The following PCARE variants were observed in gnomAD, a reference collection of about 807,000 sequenced individuals.
PCARE encodes the protein uncharacterized protein C2orf71.
Under a neutral mutation model 82.2 loss-of-function variants are expected in PCARE, and 72 were observed. The observed-to-expected ratio is 0.88, with a 90% CI of 0.72 to 1.07. The LOEUF (loss-of-function observed/expected upper bound fraction) is 1.07. Among genes scored for constraint, PCARE ranks in the 50% least tolerant of loss-of-function variants. The pLI is 0.00. For synonymous variants in PCARE, 705 were observed against 634.8 expected (o/e 1.11, Z -1.66); for missense variants, 1,768 against 1,592.4 (o/e 1.11, Z -1.88).
chr2:29,071,349 C>T lies in PCARE; in HGVS notation c.2913G>A (p.Arg971=), dbSNP rs1175797627. Residue 971 remains arginine (R), a synonymous_variant, in exon 1 of 2, where the codon AGG becomes AGA. Coordinates refer to ENST00000331664, the MANE Select transcript of PCARE (RefSeq NM_001029883.3). ...GTCTGGCCAGGCTGGACTCTGAGGTCCTGTTTTGTCCAGATGGAGGGCCGG... is the reference window on the plus strand; with the variant it reads ...GTCTGGCCAGGCTGGACTCTGAGGTTCTGTTTTGTCCAGATGGAGGGCCGG... ...HHSGPPSGQN[R]TSESSLARPR... 5.0e-6 allele frequency: 8 copies of T among 1,613,554 alleles called. No individual in the cohort carries two copies. The Admixed American group carries it at 1.3e-4, about 27-fold the overall frequency.
intron 1 of PCARE, among the ~76,000 whole-genome samples, chr2:29,068,663 T>C (rs1439154226): frequency 1.3e-5 from 2 of 152,216 alleles, no homozygotes; most frequent in African/African-American, 4.8e-5. Flanking sequence ...TCACGCCCCA[T>C]TGCGGCTGCA....
Position 29,073,745 on chromosome 2 carries a change from T to C in PCARE, c.517A>G (p.Lys173Glu), listed in dbSNP as rs1192401276. 1 of 1,614,226 alleles carries C rather than the reference T, an allele frequency of 6.2e-7. No individual in the cohort carries two copies. The highest frequency in any genetic ancestry group is 2.2e-5 in the East Asian group (1 of 44,886). ...TIHPAHEPEG[K>E]VDFPEPLVKA... ...ACCAGAGGCTCCGGGAAGTCCACTTTGCCTTCAGGCTCATGAGCAGGGTGG... is the reference window on the plus strand; with the variant it reads ...ACCAGAGGCTCCGGGAAGTCCACTTCGCCTTCAGGCTCATGAGCAGGGTGG... The change falls in exon 1 of 2, where the codon AAA (lysine) becomes GAA (glutamate). Residue 173 changes from lysine (K) to glutamate (E), a missense_variant. Physicochemically the swap from Lys to Glu is moderately conservative, Grantham distance 56. Transcript: ENST00000331664.
chr2:29,065,240 G>A (rs371920250), intron 1 of PCARE, among the ~76,000 whole-genome samples, 173 bp from the exon 2 acceptor site: 7 of 152,268 alleles, frequency 4.6e-5, no homozygotes, highest in South Asian at 4.1e-4. Flanking sequence ...GGCTGGTGCC[G>A]CCATTGCCGT....
At position 29,072,131 on chromosome 2, in the gene PCARE, C is replaced by T. The variant is rs1427103305; in HGVS notation, c.2131G>A (p.Val711Ile). ...KLPNAIPSGE[V>I]SEAAKATDWN... is the part of the protein sequence containing the mutation. ...TCTGTGGCCTTGGCAGCCTCACTGA[C>T]CTCTCCTGATGGGATGGCATTTGGA... Residue 711 changes from valine (V) to isoleucine (I), a missense_variant, in exon 1 of 2, where the codon GTC becomes ATC. Val to Ile is a conservative substitution (Grantham distance 29). Transcript: ENST00000331664. 1.2e-6 allele frequency: 2 copies of T among 1,614,248 alleles called. No individual in the cohort carries two copies. The highest frequency in any genetic ancestry group is 1.7e-6 in the Non-Finnish European group (2 of 1,180,040).
Position 29,061,704 on chromosome 2 carries a change from T to C in PCARE, c.*3165A>G, listed in dbSNP as rs1280594352. ...ATGGGTCTTCAATGAGTTGGGTTCA[T>C]TGGCTTAATAATTTTTATTAAAACA... is the stretch of plus-strand genomic sequence containing the variant. On this transcript the variant is annotated 3_prime_UTR_variant, in exon 2 of 2. Coordinates refer to ENST00000331664, the MANE Select transcript of PCARE (RefSeq NM_001029883.3). 3 of 152,252 alleles carry C rather than the reference T, an allele frequency of 2.0e-5. No homozygotes were observed. The highest frequency in any genetic ancestry group is 4.4e-5 in the Non-Finnish European group (3 of 68,046). 9.4% of individuals were successfully genotyped at this position (152,252 alleles called of 1,614,324 possible).
chr2:29,071,132 T>C lies in PCARE; in HGVS notation c.3130A>G (p.Thr1044Ala). The change falls in exon 1 of 2, where the codon ACA (threonine) becomes GCA (alanine). Residue 1044 changes from threonine (T) to alanine (A), a missense_variant. Thr to Ala is a moderately conservative substitution (Grantham distance 58, BLOSUM62 0). Transcript: ENST00000331664. ...VSPRVLSPPTTKRRTSPPHQP... is the reference protein window; with the variant it reads ...VSPRVLSPPTAKRRTSPPHQP... ...TGCGGTGGGGAAGTTCGCCGCTTTG[T>C]GGTGGGTGGGCTTAGCACCCTGGGG... 1 of 1,576,042 alleles carries C rather than the reference T, an allele frequency of 6.3e-7. No individual in the cohort carries two copies. Among genetic ancestry groups the C allele is most frequent in the Non-Finnish European group, 8.6e-7 (1 of 1,162,034 alleles).
At chr2:29,068,649 T>C (rs562051385) in intron 1 of PCARE, among the ~76,000 whole-genome samples, 18 of 152,370 alleles carry the variant, frequency 1.2e-4, no homozygotes, top group African/African-American at 3.8e-4. Flanking sequence ...GGCTACACTT[T>C]GACTCACGCC....
chr2:29,073,515 C>T lies in PCARE; in HGVS notation c.747G>A (p.Glu249=), dbSNP rs116729795. 114 of 1,614,208 alleles carry T rather than the reference C, an allele frequency of 7.1e-5. No homozygotes were observed. The African/African-American group carries it at 1.4e-3, about 20-fold the overall frequency. Residue 249 remains glutamate (E), a synonymous_variant, in exon 1 of 2, where the codon GAG becomes GAA. Coordinates refer to ENST00000331664, the MANE Select transcript of PCARE (RefSeq NM_001029883.3). ...DGEVLLQEVR[E]DLAWPLKKRE... is the part of the protein sequence containing the mutation. ...TTTTCTTCAAAGGCCAAGCCAGATC[C>T]TCCCTGACTTCCTGCAGGAGCACTT... is the stretch of plus-strand genomic sequence containing the variant.
At position 29,073,264 on chromosome 2, in the gene PCARE, C is replaced by G. The variant is rs1302334612; in HGVS notation, c.998G>C (p.Ser333Thr). Residue 333 changes from serine (S) to threonine (T), a missense_variant, in exon 1 of 2, where the codon AGT (serine) becomes ACT (threonine). By Grantham distance (58) the Ser-to-Thr change is moderately conservative. Transcript: ENST00000331664. Reference protein sequence around the residue: ...RALRQLESLASGCGDPGVQGL... With the variant: ...RALRQLESLATGCGDPGVQGL... ...CTGCACCCCAGGGTCGCCACAGCCACTCGCCAGGCTCTCTAGCTGCCTCAG... is the reference window on the plus strand; with the variant it reads ...CTGCACCCCAGGGTCGCCACAGCCAGTCGCCAGGCTCTCTAGCTGCCTCAG... 1 of 1,614,112 alleles carries G rather than the reference C, an allele frequency of 6.2e-7. No individual in the cohort carries two copies. Among genetic ancestry groups the G allele is most frequent in the Non-Finnish European group, 8.5e-7 (1 of 1,179,970 alleles).
At chr2:29,069,468 A>AGTGGGAGCTAAATG (rs1667438579) in intron 1 of PCARE, among the ~76,000 whole-genome samples, 1 of 152,236 alleles carries the variant, frequency 6.6e-6, no homozygotes, top group Non-Finnish European at 1.5e-5. Context: ...CTTACTTATA[A>AGTGGGAGCTAAATG]GTGGGAGCTA....
Position 29,071,562 on chromosome 2 carries a change from C to T in PCARE, c.2700G>A (p.Leu900=), listed in dbSNP as rs1282130574. The T allele has an allele frequency of 1.9e-6, 3 of 1,610,428 alleles. No homozygotes were observed. In the Admixed American group the frequency reaches 5.0e-5, roughly 27 times the overall value. Residue 900 remains leucine, a synonymous_variant, in exon 1 of 2, where the codon CTG becomes CTA. Coordinates refer to ENST00000331664, the MANE Select transcript of PCARE (RefSeq NM_001029883.3). The part of the protein sequence containing the change: ...DLLPSKSTAS[L]TKPHSTGPGS... ...CTGGCCCTGTGCTGTGAGGCTTGGTCAGGCTGGCGGTGCTCTTGCTGGGCA... is the reference window on the plus strand; with the variant it reads ...CTGGCCCTGTGCTGTGAGGCTTGGTTAGGCTGGCGGTGCTCTTGCTGGGCA...
chr2:29,074,197 A>G lies in PCARE; in HGVS notation c.65T>C (p.Leu22Ser). Residue 22 changes from leucine (L) to serine (S), a missense_variant, in exon 1 of 2, where the codon TTG (leucine) becomes TCG (serine). Transcript: ENST00000331664. ...NSVAKSGIQF[L>S]KKPKAIRPGC... ...TGGCCGAATTGCTTTGGGCTTTTTC[A>G]AGAACTGAATGCCACTCTTTGCAAC... 8 of 1,602,780 alleles carry G rather than the reference A, an allele frequency of 5.0e-6. No individual in the cohort carries two copies. Among genetic ancestry groups the G allele is most frequent in the Non-Finnish European group, 6.0e-6 (7 of 1,173,616 alleles).
rs533307238 is a variant in PCARE at position 29,063,852 on chromosome 2, A to C, written c.*1017T>G. The C allele has an allele frequency of 3.9e-4, 60 of 152,506 alleles. No individual in the cohort carries two copies. Among genetic ancestry groups the C allele is most frequent in the African/African-American group, 1.4e-3 (59 of 41,562 alleles). 9.4% of individuals were successfully genotyped at this position (152,506 alleles called of 1,614,324 possible). ...CAGAAGTTCTGCAAGATGACCTGGG[A>C]ATAAAGTTGGCCAAGAAGCCTCCGA... On this transcript the variant is annotated 3_prime_UTR_variant, in exon 2 of 2. Coordinates refer to ENST00000331664, the MANE Select transcript of PCARE (RefSeq NM_001029883.3).
In PCARE at chr2:29,070,577, C is replaced by T. The variant is rs2148414669; in HGVS notation, c.3668+17G>A. ...GTCCAAGCCGCTGAAGGGCAGTGACCCCAGGACACTCCTTACCTGTTCTGG... is the reference window on the plus strand; with the variant it reads ...GTCCAAGCCGCTGAAGGGCAGTGACTCCAGGACACTCCTTACCTGTTCTGG... On this transcript the variant is annotated intron_variant, in intron 1 of 1. Coordinates refer to ENST00000331664, the MANE Select transcript of PCARE (RefSeq NM_001029883.3). 6.2e-7 allele frequency: 1 copy of T among 1,613,822 alleles called. No individual in the cohort carries two copies. The highest frequency in any genetic ancestry group is 8.5e-7 in the Non-Finnish European group (1 of 1,179,830).
chr2:29,068,656 C>T (rs1395675331), intron 1 of PCARE, among the ~76,000 whole-genome samples: 4 of 152,192 alleles, frequency 2.6e-5, no homozygotes, highest in South Asian at 2.1e-4. Context: ...CTTTGACTCA[C>T]GCCCCATTGC....
Position 29,072,157 on chromosome 2 carries a change from A to G in PCARE, c.2105T>C (p.Leu702Pro), listed in dbSNP as rs1667501893. 1.2e-6 allele frequency: 2 copies of G among 1,614,138 alleles called. No homozygotes were observed. Among genetic ancestry groups the G allele is most frequent in the Non-Finnish European group, 8.5e-7 (1 of 1,180,010 alleles). Reference sequence around the variant, plus strand: ...CTCTCCTGATGGGATGGCATTTGGAAGCTTCCCAGCTTTGCCTTGTTCGTC... The same window carrying G: ...CTCTCCTGATGGGATGGCATTTGGAGGCTTCCCAGCTTTGCCTTGTTCGTC... ...PEDEQGKAGK[L>P]PNAIPSGEVS... The change falls in exon 1 of 2, where the codon CTT (leucine) becomes CCT (proline). Residue 702 changes from leucine (L) to proline (P), a missense_variant. Coordinates refer to ENST00000331664, the MANE Select transcript of PCARE (RefSeq NM_001029883.3).
In PCARE at chr2:29,073,504, C is replaced by G; in HGVS notation, c.758G>C (p.Trp253Ser). ...CTGGGGCTCTCTTTTCTTCAAAGGC[C>G]AAGCCAGATCCTCCCTGACTTCCTG... ...LLQEVREDLA[W>S]PLKKREPQEQ... The change falls in exon 1 of 2, where the codon TGG becomes TCG. Residue 253 changes from tryptophan to serine, a missense_variant. By Grantham distance (177) the Trp-to-Ser change is radical. Transcript: ENST00000331664. 1 of 1,614,164 alleles carries G rather than the reference C, an allele frequency of 6.2e-7. No individual in the cohort carries two copies.
At position 29,063,268 on chromosome 2, in the gene PCARE, C is replaced by T. The variant is rs72861029; in HGVS notation, c.*1601G>A. ...AGTGGGTGTGGCTTGGCTCTAGAAT[C>T]GGCTGGCCTGGGCACTGCCTGAGCA... On this transcript the variant is annotated 3_prime_UTR_variant, in exon 2 of 2. Transcript: ENST00000331664. 0.019 allele frequency: 2,885 copies of T among 152,390 alleles called. 83 individuals are homozygous for T. Among genetic ancestry groups the T allele is most frequent in the African/African-American group, 0.058 (2,426 of 41,562 alleles). The allele number at this position is 152,390 out of a possible 1,614,324, so 9.4% of individuals were successfully genotyped here. A position where few individuals can be genotyped will look rare whatever the true frequency, so the allele number is the denominator to read the frequency against.
At position 29,071,758 on chromosome 2, in the gene PCARE, A is replaced by T; in HGVS notation, c.2504T>A (p.Met835Lys). The T allele has an allele frequency of 6.2e-7, 1 of 1,613,658 alleles. No individual in the cohort carries two copies. Residue 835 changes from methionine to lysine, a missense_variant, in exon 1 of 2, where the codon ATG becomes AAG. By Grantham distance (95) the Met-to-Lys change is moderately conservative (BLOSUM62 -1). Coordinates refer to ENST00000331664, the MANE Select transcript of PCARE (RefSeq NM_001029883.3). Reference protein sequence around the residue: ...GNLEHLPPPPMEVLMDKSFAS... With the variant: ...GNLEHLPPPPKEVLMDKSFAS... ...GAATGATTTGTCCATCAGAACTTCC[A>T]TAGGCGGTGGAGGGAGGTGCTCGAG...
Sources: allele counts gnomAD v4.1 joint callset (sites outside exome capture counted in the v4.1 genomes callset), GRCh38; gene constraint gnomAD v4.1.1; transcripts MANE v1.5; gene names NCBI Gene and HGNC (gene_info 2026-07-23, HGNC 2026-07-21).